DLG2: variants seen among roughly 807,000 people sequenced by gnomAD.
The protein encoded by DLG2 is disks large homolog 2.
Under a neutral mutation model 132.5 loss-of-function variants are expected in DLG2, and 45 were observed. That is an observed-to-expected ratio of 0.34 (90% CI 0.27 to 0.44). DLG2 has a LOEUF of 0.44. DLG2 is among the 20% of genes least tolerant of loss of function. The probability of loss-of-function intolerance (pLI) is 1.00; values close to 1 mark genes in which losing one functional copy is unlikely to be tolerated. For missense variants in DLG2, 1,045 were observed against 1,196.9 expected (o/e 0.87, Z 1.87); for synonymous variants, 424 against 419.6 (o/e 1.01, Z -0.13).
intron 18 of DLG2, among the ~76,000 whole-genome samples, chr11:83,681,490 G>A (rs965512791): frequency 2.0e-5 from 3 of 152,212 alleles, no homozygotes; most frequent in South Asian, 2.1e-4. Flanking sequence ...TCCGTCCTGC[G>A]GGTACGTCGT....
rs1382125920 is a variant in DLG2 at position 83,457,377 on chromosome 11, AC to A, written c.*2440del. ...AAATTCTATTGGAAAAGACCCTCTC[AC>A]CAATTTGCTTGGTGATTCTTCAAGC... On this transcript the variant is annotated 3_prime_UTR_variant, in exon 28 of 28. Transcript: ENST00000376104. 9 of 152,594 alleles carry A rather than the reference AC, an allele frequency of 5.9e-5. No homozygotes were observed. The highest frequency in any genetic ancestry group is 5.2e-4 in the Admixed American group (8 of 15,278). 9.5% of individuals were successfully genotyped at this position (152,594 alleles called of 1,614,324 possible).
chr11:84,988,379 AAAG>A (rs2056729591), intron 6 of DLG2, among the ~76,000 whole-genome samples: 2 of 152,236 alleles, frequency 1.3e-5, no homozygotes, highest in African/African-American at 4.8e-5. Flanking sequence ...ACCCAGAGGA[AAAG>A]AAGTCGTTAT....
At position 83,573,510 on chromosome 11, in the gene DLG2, T is replaced by G. The variant is rs183997129; in HGVS notation, c.1941-31652A>C. ...TCTGATGAATAATGCAACCTTATTC[T>G]TTTATAGAACAGACTAACAATACAC... On this transcript the variant is annotated intron_variant, in intron 19 of 27. Coordinates refer to ENST00000376104, the MANE Select transcript of DLG2 (RefSeq NM_001142699.3). 7.2e-5 allele frequency among the ~76,000 whole-genome samples: 11 copies of G among 152,268 alleles called. No homozygotes were observed. In the East Asian group the frequency reaches 1.9e-3, roughly 27 times the overall value.
At chr11:84,940,403 T>G (rs1474171465) in intron 6 of DLG2, among the ~76,000 whole-genome samples, 1 of 152,226 alleles carries the variant, frequency 6.6e-6, no homozygotes, top group East Asian at 1.9e-4. Context: ...TCCACCTGCC[T>G]AGGCCTCCCA....
At position 84,378,255 on chromosome 11, in the gene DLG2, T is replaced by C. The variant is rs536845965; in HGVS notation, c.520-126964A>G. Among the ~76,000 whole-genome samples the C allele has an allele frequency of 2.5e-4, 38 of 152,246 alleles. No individual in the cohort carries two copies. In the South Asian group the frequency reaches 7.7e-3, roughly 31 times the overall value. On this transcript the variant is annotated intron_variant, in intron 7 of 27. Transcript: ENST00000376104. Reference sequence around the variant, plus strand: ...CTGGTTTGCTCTTTCTCTTGCTCTCTGTCTTTCCTTCTCTGGATGCACTGC... The same window carrying C: ...CTGGTTTGCTCTTTCTCTTGCTCTCCGTCTTTCCTTCTCTGGATGCACTGC...
chr11:83,471,682 C>T lies in DLG2; in HGVS notation c.2390G>A (p.Arg797Gln), dbSNP rs755861893. The T allele has an allele frequency of 7.4e-6, 12 of 1,613,026 alleles. No individual in the cohort carries two copies. Among genetic ancestry groups the T allele is most frequent in the South Asian group, 3.3e-5 (3 of 91,034 alleles). ...PVIILGPMKD[R>Q]INDDLISEFP... ...TTCAGATATCAAGTCGTCATTGATC[C>T]GATCCTTCATGGGCCCCAGGATAAT... Residue 797 changes from arginine to glutamine, a missense_variant, in exon 24 of 28, where the codon CGG (arginine) becomes CAG (glutamine). Arg to Gln is a conservative substitution (Grantham distance 43). Coordinates refer to ENST00000376104, the MANE Select transcript of DLG2 (RefSeq NM_001142699.3).
intron 3 of DLG2, among the ~76,000 whole-genome samples, chr11:85,487,063 C>G (rs1447290777): frequency 2.0e-5 from 3 of 148,214 alleles, no homozygotes; most frequent in Non-Finnish European, 4.4e-5. Context: ...AAACAGAGAT[C>G]ACACTACTTG....
chr11:84,658,613 T>A (rs2099691013), intron 6 of DLG2, among the ~76,000 whole-genome samples: 1 of 152,132 alleles, frequency 6.6e-6, no homozygotes. Context: ...GATCTCCCCA[T>A]GGTAATGAGT....
intron 6 of DLG2, among the ~76,000 whole-genome samples, chr11:84,658,839 T>A (rs2099691339): frequency 6.6e-6 from 1 of 152,178 alleles, no homozygotes; most frequent in Admixed American, 6.5e-5. Context: ...AACCCTCTTT[T>A]ATTTATAAAT....
intron 7 of DLG2, among the ~76,000 whole-genome samples, chr11:84,407,586 C>G (rs7125079): frequency 0.09 from 13,755 of 152,118 alleles, 1,851 homozygotes; most frequent in African/African-American, 0.29. Flanking sequence ...CCTTCCAACC[C>G]TGCTCTGATA....
chr11:84,635,200 G>A (rs1236892275), intron 6 of DLG2, among the ~76,000 whole-genome samples: 1 of 152,222 alleles, frequency 6.6e-6, no homozygotes, highest in African/African-American at 2.4e-5. Flanking sequence ...GCCACAGCTT[G>A]GGTGTGCCCA....
intron 7 of DLG2, among the ~76,000 whole-genome samples, chr11:84,295,144 GAACCT>G (rs2098072244): frequency 6.6e-6 from 1 of 152,120 alleles, no homozygotes; most frequent in African/African-American, 2.4e-5. Context: ...TTTGGACTCA[GAACCT>G]GAGCTCTGAT....
chr11:84,663,500 A>T (rs2099696875), intron 6 of DLG2, among the ~76,000 whole-genome samples: 2 of 152,114 alleles, frequency 1.3e-5, no homozygotes, highest in Admixed American at 6.6e-5. Context: ...TCCAGAGTAG[A>T]CACAGAGCAC....
intron 9 of DLG2, among the ~76,000 whole-genome samples, chr11:84,103,894 GA>G (rs2092715729): frequency 6.6e-6 from 1 of 151,034 alleles, no homozygotes; most frequent in African/African-American, 2.5e-5. Context: ...TACCGACAAT[GA>G]TTTTTTTTTG....
chr11:84,283,908 G>A (rs991496670), intron 7 of DLG2, among the ~76,000 whole-genome samples: 1 of 151,944 alleles, frequency 6.6e-6, no homozygotes, highest in Admixed American at 6.6e-5. Context: ...GTATTAAAAA[G>A]ATCTATGGTG....
chr11:84,001,323 T>A (rs1453418885), intron 11 of DLG2, among the ~76,000 whole-genome samples: 12 of 138,940 alleles, frequency 8.6e-5, no homozygotes, highest in Non-Finnish European at 1.2e-4. Flanking sequence ...AGACTTCAAG[T>A]AAAAAAAAAA....
chr11:84,148,676 T>C (rs1169610796), intron 9 of DLG2, among the ~76,000 whole-genome samples: 1 of 152,160 alleles, frequency 6.6e-6, no homozygotes. Flanking sequence ...CTGTGATAAA[T>C]ATATAGGAGC....
intron 3 of DLG2, among the ~76,000 whole-genome samples, chr11:85,497,027 A>G (rs188827292): frequency 2.8e-4 from 43 of 152,216 alleles, no homozygotes; most frequent in African/African-American, 9.1e-4. Context: ...TTCTCCTCCA[A>G]AGGAAAACAA....
rs192935972 is a variant in DLG2, at chr11:84,005,039, A to C, written c.920-24397T>G. On this transcript the variant is annotated intron_variant, in intron 11 of 27. Transcript: ENST00000376104. ...CAACCAAAAAACCCCAAAACCAAAA[A>C]CAACAAAACAAAACAAAACACAAAA... is the stretch of plus-strand genomic sequence containing the variant. 8.4e-4 allele frequency among the ~76,000 whole-genome samples: 127 copies of C among 151,800 alleles called. 1 individual carries two copies. The highest frequency in any genetic ancestry group is 1.9e-3 in the South Asian group (9 of 4,820).
Sources: gnomAD v4.1 joint callset for allele counts (sites outside exome capture counted in the v4.1 genomes callset) on GRCh38, gnomAD v4.1.1 for gene constraint, MANE v1.5 for transcripts, NCBI Gene and HGNC (gene_info 2026-07-23, HGNC 2026-07-21) for gene names.